SLC14A2: variants seen among roughly 807,000 people sequenced by gnomAD.
SLC14A2 encodes urea transporter 2.
Under a neutral mutation model 104.6 loss-of-function variants are expected in SLC14A2, and 91 were observed. The ratio of observed to expected loss-of-function variants is 0.87; its 90% CI spans 0.73 to 1.04. SLC14A2 has a LOEUF of 1.04. Among genes scored for constraint, SLC14A2 ranks in the 50% least tolerant of loss-of-function variants. SLC14A2 has a pLI of 0.00. For missense variants in SLC14A2, 1,189 were observed against 1,156.0 expected (o/e 1.03, Z -0.41); for synonymous variants, 476 against 466.4 (o/e 1.02, Z -0.27).
intron 1 of SLC14A2, among the ~76,000 whole-genome samples, chr18:45,222,356 G>T (rs143172075): frequency 1.3e-5 from 2 of 152,196 alleles, no homozygotes; most frequent in African/African-American, 4.8e-5. Context: ...TGCATTTGGC[G>T]TGAGTCCTGT....
intron 5 of SLC14A2, among the ~76,000 whole-genome samples, chr18:45,632,956 C>T (rs917801580): frequency 8.5e-5 from 13 of 152,202 alleles, no homozygotes; most frequent in African/African-American, 2.7e-4. Context: ...GGATTACAGG[C>T]GTGAGCCACC....
chr18:45,282,151 C>G (rs1170796759), intron 1 of SLC14A2, among the ~76,000 whole-genome samples: 1 of 152,144 alleles, frequency 6.6e-6, no homozygotes, highest in East Asian at 1.9e-4. Flanking sequence ...CCATTGCACC[C>G]CAGGTCTGAG....
chr18:45,591,525 C>T (rs1464023609), intron 2 of SLC14A2, among the ~76,000 whole-genome samples: 4 of 152,180 alleles, frequency 2.6e-5, no homozygotes, highest in Non-Finnish European at 5.9e-5. Context: ...TTAGTACAGA[C>T]AGGGTTTCAC....
intron 1 of SLC14A2, among the ~76,000 whole-genome samples, chr18:45,230,613 A>T (rs72904661): frequency 2.0e-3 from 301 of 152,330 alleles, no homozygotes; most frequent in Non-Finnish European, 3.2e-3. Context: ...AGGTTTCTTT[A>T]TCCATGTAAT....
chr18:45,187,323 C>A, the SLC14A2 span, among the ~76,000 whole-genome samples: 1 of 152,028 alleles, frequency 6.6e-6, no homozygotes, highest in African/African-American at 2.4e-5. Flanking sequence ...ACCATGTATG[C>A]AGCCCAATTT....
intron 2 of SLC14A2, among the ~76,000 whole-genome samples, chr18:45,552,575 A>C (rs1205136880): frequency 1.3e-5 from 2 of 152,238 alleles, no homozygotes; most frequent in Non-Finnish European, 2.9e-5. Flanking sequence ...AAATACAAAC[A>C]AAAACAAATA....
chr18:45,268,569 CTT>C (rs1326098371), intron 1 of SLC14A2, among the ~76,000 whole-genome samples: 1 of 152,124 alleles, frequency 6.6e-6, no homozygotes, highest in East Asian at 1.9e-4. Context: ...CCTGGTGTCT[CTT>C]TGGGATAGCA....
intron 8 of SLC14A2, among the ~76,000 whole-genome samples, chr18:45,642,507 G>A (rs72908395): frequency 0.025 from 3,775 of 152,268 alleles, 86 homozygotes; most frequent in East Asian, 0.074. Flanking sequence ...GAGGTGTTCC[G>A]GACAGAGAAG....
At chr18:45,634,650 G>A (rs2045391116) in intron 5 of SLC14A2, among the ~76,000 whole-genome samples, 1 of 152,210 alleles carries the variant, frequency 6.6e-6, no homozygotes, top group African/African-American at 2.4e-5. Flanking sequence ...GAAGGATGGA[G>A]GAGTGGCAGG....
At chr18:45,510,597 A>G (rs1035500371) in intron 2 of SLC14A2, among the ~76,000 whole-genome samples, 14 of 151,774 alleles carry the variant, frequency 9.2e-5, no homozygotes, top group Non-Finnish European at 1.8e-4. Flanking sequence ...CCCGAAAGTG[A>G]TCTAAGCCAA....
intron 2 of SLC14A2, among the ~76,000 whole-genome samples, chr18:45,514,221 T>C (rs1432477856): frequency 6.6e-6 from 1 of 152,196 alleles, no homozygotes; most frequent in Non-Finnish European, 1.5e-5. Context: ...CTTCTGCTTC[T>C]GGGGAGGCCT....
At chr18:45,312,745 A>G (rs936590222) in intron 1 of SLC14A2, among the ~76,000 whole-genome samples, 8 of 152,230 alleles carry the variant, frequency 5.3e-5, no homozygotes, top group African/African-American at 1.9e-4. Context: ...CAAGGCTGAG[A>G]GCGTGAAATA....
chr18:45,195,437 G>T, the SLC14A2 span, among the ~76,000 whole-genome samples: 1 of 152,128 alleles, frequency 6.6e-6, no homozygotes, highest in East Asian at 1.9e-4. Flanking sequence ...TGTTGCCCAG[G>T]CTGGAGTGCA....
chr18:45,394,141 A>T (rs561521826), intron 1 of SLC14A2, among the ~76,000 whole-genome samples: 1 of 152,358 alleles, frequency 6.6e-6, no homozygotes, highest in Admixed American at 6.5e-5. Flanking sequence ...TACTTTCGTT[A>T]GTCCAAGTAT....
chr18:45,667,044 C>A lies in SLC14A2; in HGVS notation c.1667C>A (p.Ala556Asp). Residue 556 changes from alanine to aspartate, a missense_variant, in exon 13 of 20, where the codon GCC becomes GAC. Transcript: ENST00000255226. ...MAASGKRVSK[A>D]LSYITGEMKE... Reference sequence around the variant, plus strand: ...GCCAGTGGGAAAAGGGTCAGCAAAGCCCTCAGCTACATCACAGGAGAGATG... The same window carrying A: ...GCCAGTGGGAAAAGGGTCAGCAAAGACCTCAGCTACATCACAGGAGAGATG... The A allele has an allele frequency of 6.2e-7, 1 of 1,613,786 alleles. No individual in the cohort carries two copies. Among genetic ancestry groups the A allele is most frequent in the South Asian group, 1.1e-5 (1 of 91,064 alleles).
chr18:45,271,711 A>G (rs2084652825), intron 1 of SLC14A2, among the ~76,000 whole-genome samples: 1 of 152,180 alleles, frequency 6.6e-6, no homozygotes, highest in African/African-American at 2.4e-5. Flanking sequence ...TATTGTTAAA[A>G]TGTCCTTACT....
chr18:45,285,725 G>A (rs917322927), intron 1 of SLC14A2, among the ~76,000 whole-genome samples: 27 of 147,748 alleles, frequency 1.8e-4, no homozygotes, highest in African/African-American at 5.9e-4. Flanking sequence ...GCGCCCAGCC[G>A]GAGCAGATGA....
upstream of SLC14A2, among the ~76,000 whole-genome samples, chr18:45,611,119 T>C (rs2044964500): frequency 6.6e-6 from 1 of 152,136 alleles, no homozygotes; most frequent in South Asian, 2.1e-4. Flanking sequence ...GCATTTTCCC[T>C]ACCCTCACCA....
intron 2 of SLC14A2, among the ~76,000 whole-genome samples, chr18:45,518,946 G>A (rs2144804575): frequency 6.6e-6 from 1 of 152,206 alleles, no homozygotes; most frequent in South Asian, 2.1e-4. Flanking sequence ...GCTGGCAAGG[G>A]GCCAGCCTGG....
Sources: gnomAD v4.1 joint callset for allele counts (sites outside exome capture counted in the v4.1 genomes callset) on GRCh38, gnomAD v4.1.1 for gene constraint, MANE v1.5 for transcripts, NCBI Gene and HGNC (gene_info 2026-07-23, HGNC 2026-07-21) for gene names.